The following GIMAP8 variants were observed in gnomAD, a reference collection of about 807,000 sequenced individuals.
GIMAP8 encodes the protein GTPase IMAP family member 8.
Under a neutral mutation model 35.6 loss-of-function variants are expected in GIMAP8, and 29 were observed. The ratio of observed to expected loss-of-function variants is 0.81; its 90% CI spans 0.61 to 1.11. The LOEUF (loss-of-function observed/expected upper bound fraction) is 1.11. GIMAP8 is among the 50% of genes most tolerant of loss of function. The pLI is 0.00. For missense variants in GIMAP8, 811 were observed against 805.0 expected, an observed-to-expected ratio of 1.01 and a Z score of -0.09; for synonymous variants, 335 against 308.7, an observed-to-expected ratio of 1.09 and a Z score of -0.89.
intron 1 of GIMAP8, among the ~76,000 whole-genome samples, chr7:150,466,435 TA>T (rs3034358): frequency 0.35 from 51,801 of 146,634 alleles, 8,834 homozygotes; most frequent in East Asian, 0.41. Context: ...TTCCTAATGG[TA>T]AAAAAAAAAA....
rs1802300003 is a variant in GIMAP8 at position 150,478,683 on chromosome 7, G to A, written c.*903G>A. The stretch of plus-strand genomic sequence containing the variant: ...CAATAATAATGGTTTAAAAACATCA[G>A]GGGCTTCCTGTATCTCCTGTCAGGA... On this transcript the variant is annotated 3_prime_UTR_variant, in exon 5 of 5. Transcript: ENST00000307271. 1 of 152,142 alleles carries A rather than the reference G, an allele frequency of 6.6e-6. No individual in the cohort carries two copies. The highest frequency in any genetic ancestry group is 2.4e-5 in the African/African-American group (1 of 41,418). The allele number at this position is 152,142 out of a possible 1,614,324, so 9.4% of individuals were successfully genotyped here.
chr7:150,455,069 T>C (rs773463798), intron 1 of GIMAP8, among the ~76,000 whole-genome samples: 3 of 145,710 alleles, frequency 2.1e-5, no homozygotes, highest in Non-Finnish European at 3.0e-5. Context: ...ACCCGGGAGA[T>C]AGAGGTTGCA....
intron 1 of GIMAP8, among the ~76,000 whole-genome samples, chr7:150,462,854 A>G (rs1449288061): frequency 1.3e-5 from 2 of 152,156 alleles, no homozygotes; most frequent in African/African-American, 4.8e-5. Context: ...GAGAATCTTG[A>G]ATTTCCTGTG....
chr7:150,478,218 CGGAAGCA>C lies in GIMAP8; in HGVS notation c.*447_*453del, dbSNP rs2116624170. 6.0e-6 allele frequency: 1 copy of C among 166,828 alleles called. No individual in the cohort carries two copies. Among genetic ancestry groups the C allele is most frequent in the Admixed American group, 5.6e-5 (1 of 17,936 alleles). 10.3% of individuals were successfully genotyped at this position (166,828 alleles called of 1,614,324 possible). A position where few individuals can be genotyped will look rare whatever the true frequency, so the allele number is the denominator to read the frequency against. On this transcript the variant is annotated 3_prime_UTR_variant, in exon 5 of 5. Transcript: ENST00000307271. ...GCGTTCAGCACACTCCTGGGCATGG[CGGAAGCA>C]GGAAGCAGACTCCAGAGGGCCTCCC... is the stretch of plus-strand genomic sequence containing the variant.
In GIMAP8 at chr7:150,467,050, C is replaced by G. The variant is rs1349154094; in HGVS notation, c.352C>G (p.Gln118Glu). Residue 118 changes from glutamine to glutamate, a missense_variant, in exon 2 of 5, where the codon CAA becomes GAA. Transcript: ENST00000307271. Reference sequence around the variant, plus strand: ...GGATGAGGAAACAGCCAAGGGCATCCAACAAGTGTTTGGAGCTGAAGCCAG... The same window carrying G: ...GGATGAGGAAACAGCCAAGGGCATCGAACAAGTGTTTGGAGCTGAAGCCAG... ...REDEETAKGI[Q>E]QVFGAEARRH... The G allele has an allele frequency of 6.2e-7, 1 of 1,614,202 alleles. No individual in the cohort carries two copies. Among genetic ancestry groups the G allele is most frequent in the African/African-American group, 1.3e-5 (1 of 75,058 alleles).
At chr7:150,462,361 A>G (rs1179583258) in intron 1 of GIMAP8, among the ~76,000 whole-genome samples, 1 of 152,044 alleles carries the variant, frequency 6.6e-6, no homozygotes, top group African/African-American at 2.4e-5. Flanking sequence ...TTATCCTTGA[A>G]ATTTGGTGGT....
At chr7:150,458,337 A>G (rs1473036065) in intron 1 of GIMAP8, among the ~76,000 whole-genome samples, 1 of 152,218 alleles carries the variant, frequency 6.6e-6, no homozygotes, top group Non-Finnish European at 1.5e-5. Flanking sequence ...TCCAAAGGCC[A>G]TCTGCCAAAT....
At chr7:150,456,250 C>A (rs968485304) in intron 1 of GIMAP8, among the ~76,000 whole-genome samples, 2 of 152,150 alleles carry the variant, frequency 1.3e-5, no homozygotes, top group African/African-American at 4.8e-5. Flanking sequence ...AAAACCCCAC[C>A]AATTTATTTT....
chr7:150,463,192 T>G (rs1208394427), intron 1 of GIMAP8, among the ~76,000 whole-genome samples: 1 of 152,048 alleles, frequency 6.6e-6, no homozygotes, highest in Non-Finnish European at 1.5e-5. Context: ...TTGGTTCCTT[T>G]TTTTTATAAT....
chr7:150,453,979 C>T (rs936073115), intron 1 of GIMAP8, among the ~76,000 whole-genome samples: 5 of 151,796 alleles, frequency 3.3e-5, no homozygotes, highest in African/African-American at 7.3e-5. Context: ...TCTTTAATAG[C>T]GGGTGGAGGC....
chr7:150,456,353 CTT>C (rs1430355113), intron 1 of GIMAP8, among the ~76,000 whole-genome samples: 3 of 152,250 alleles, frequency 2.0e-5, no homozygotes, highest in African/African-American at 7.2e-5. Context: ...ATTTCCTCAC[CTT>C]TTCCAGCTTC....
Position 150,474,605 on chromosome 7 carries a change from A to C in GIMAP8, c.1276A>C (p.Asn426His). 5.6e-6 allele frequency: 9 copies of C among 1,610,176 alleles called. No individual in the cohort carries two copies. Among genetic ancestry groups the C allele is most frequent in the Non-Finnish European group, 7.6e-6 (9 of 1,178,710 alleles). ...LEKIESMVHQ[N>H]GNKHCVFREK... ...AAAAATTGAGAGCATGGTGCATCAG[A>C]ATGGGAACAAGCATTGTGTTTTCAG... Residue 426 changes from asparagine to histidine, a missense_variant, in exon 4 of 5, where the codon AAT becomes CAT. Transcript: ENST00000307271.
rs1801986297 is a variant in GIMAP8, at chr7:150,467,236, A to C, written c.538A>C (p.Thr180Pro). The change falls in exon 2 of 5, where the codon ACC becomes CCC. Residue 180 changes from threonine (T) to proline (P), a missense_variant. Coordinates refer to ENST00000307271, the MANE Select transcript of GIMAP8 (RefSeq NM_175571.4). ...NKTNSKDEQI[T>P]QVLELLRKVE... Reference sequence around the variant, plus strand: ...GACCAATAGTAAGGATGAGCAGATCACCCAGGTGTTGGAGCTCCTTCGCAA... The same window carrying C: ...GACCAATAGTAAGGATGAGCAGATCCCCCAGGTGTTGGAGCTCCTTCGCAA... 3 of 1,614,226 alleles carry C rather than the reference A, an allele frequency of 1.9e-6. No homozygotes were observed. Among genetic ancestry groups the C allele is most frequent in the Non-Finnish European group, 2.5e-6 (3 of 1,180,026 alleles).
chr7:150,474,790 T>C (rs996872351), intron 4 of GIMAP8, 152 bp downstream of exon 4: 3 of 435,986 alleles, frequency 6.9e-6, no homozygotes, highest in Non-Finnish European at 1.2e-5. Flanking sequence ...TAGTTACATA[T>C]GTATACATGT....
intron 2 of GIMAP8, 39 bp from the exon 3 acceptor site, chr7:150,470,790 T>C: frequency 7.7e-7 from 1 of 1,306,176 alleles, no homozygotes; most frequent in South Asian, 1.2e-5. Context: ...AGATGAGGTT[T>C]TAGATCTGTG....
Position 150,470,850 on chromosome 7 carries a change from T to C in GIMAP8, c.658T>C (p.Ser220Pro). The change falls in exon 3 of 5, where the codon TCT (serine) becomes CCT (proline). Residue 220 changes from serine (S) to proline (P), a missense_variant. Coordinates refer to ENST00000307271, the MANE Select transcript of GIMAP8 (RefSeq NM_175571.4). ...RFQDCVNEAA[S>P]QEGDKPQGPR... ...CTAGGATTGTGTGAATGAAGCTGCA[T>C]CTCAAGAGGGAGACAAGCCACAGGG... 1.3e-6 allele frequency: 2 copies of C among 1,591,356 alleles called. No homozygotes were observed. The highest frequency in any genetic ancestry group is 1.7e-6 in the Non-Finnish European group (2 of 1,165,482).
Position 150,477,893 on chromosome 7 carries a change from G to A in GIMAP8, c.*113G>A, listed in dbSNP as rs1802277443. On this transcript the variant is annotated 3_prime_UTR_variant, in exon 5 of 5. Transcript: ENST00000307271. Reference sequence around the variant, plus strand: ...AGCGGGTTCATGGCTTTGAGGGCCTGAGAGGCAAATGCATCCCGCCTTGTG... The same window carrying A: ...AGCGGGTTCATGGCTTTGAGGGCCTAAGAGGCAAATGCATCCCGCCTTGTG... The A allele has an allele frequency of 2.6e-6, 2 of 784,142 alleles. No individual in the cohort carries two copies. Among genetic ancestry groups the A allele is most frequent in the Non-Finnish European group, 4.1e-6 (2 of 490,092 alleles). 48.6% of individuals were successfully genotyped at this position (784,142 alleles called of 1,614,324 possible).
At chr7:150,469,519 T>G (rs553085928) in intron 2 of GIMAP8, among the ~76,000 whole-genome samples, 2 of 152,352 alleles carry the variant, frequency 1.3e-5, no homozygotes, top group South Asian at 4.1e-4. Context: ...ATGTCAGGAA[T>G]TGCTGTGAGA....
Position 150,474,564 on chromosome 7 carries a change from C to T in GIMAP8, c.1235C>T (p.Ala412Val), listed in dbSNP as rs549450438. ...ACAGGAGAAGAAGAGCAAAGGCAGG[C>T]GGACGAGCTCCTGGAAAAAATTGAG... ...RATGEEEQRQADELLEKIESM... is the reference protein window; with the variant it reads ...RATGEEEQRQVDELLEKIESM... Residue 412 changes from alanine to valine, a missense_variant, in exon 4 of 5, where the codon GCG becomes GTG. By Grantham distance (64) the Ala-to-Val change is moderately conservative. Transcript: ENST00000307271. The T allele has an allele frequency of 9.3e-6, 15 of 1,613,196 alleles. No homozygotes were observed. The highest frequency in any genetic ancestry group is 3.3e-5 in the Admixed American group (2 of 59,850).
Sources: gnomAD v4.1 joint callset for allele counts (sites outside exome capture counted in the v4.1 genomes callset) on GRCh38, gnomAD v4.1.1 for gene constraint, MANE v1.5 for transcripts, NCBI Gene and HGNC (gene_info 2026-07-23, HGNC 2026-07-21) for gene names.